The following GARIN2 variants were observed in gnomAD, a reference collection of about 807,000 sequenced individuals.
GARIN2 encodes the protein Golgi-associated RAB2 interactor protein 2.
the GARIN2 span, chr14:67,225,143 T>C: frequency 2.5e-6 from 4 of 1,585,996 alleles, no homozygotes; most frequent in Non-Finnish European, 3.4e-6. Flanking sequence ...TCAAATCTCC[T>C]TCTAATTTCC....
chr14:67,193,102 CT>C, the GARIN2 span, among the ~76,000 whole-genome samples: 10 of 142,168 alleles, frequency 7.0e-5, no homozygotes, highest in African/African-American at 2.5e-4. Flanking sequence ...CTCTATATAT[CT>C]CTATATAGAT....
the GARIN2 span, among the ~76,000 whole-genome samples, chr14:67,213,936 T>C: frequency 6.6e-6 from 1 of 152,254 alleles, no homozygotes; most frequent in Non-Finnish European, 1.5e-5. Flanking sequence ...CATTTTTTCA[T>C]GTGTTTTTTG....
chr14:67,217,399 A>C, the GARIN2 span, among the ~76,000 whole-genome samples: 1 of 152,232 alleles, frequency 6.6e-6, no homozygotes, highest in South Asian at 2.1e-4. Context: ...ATTTTAATCT[A>C]TTTACATTTA....
chr14:67,205,173 T>A, the GARIN2 span: 1 of 1,348,810 alleles, frequency 7.4e-7, no homozygotes, highest in Non-Finnish European at 9.9e-7. Context: ...TAGCTGACAT[T>A]GATTATCAAA....
the GARIN2 span, chr14:67,205,179 T>C: frequency 7.6e-7 from 1 of 1,310,002 alleles, no homozygotes; most frequent in South Asian, 1.6e-5. Context: ...ACATTGATTA[T>C]CAAAATGCTA....
chr14:67,214,113 G>C, the GARIN2 span, among the ~76,000 whole-genome samples: 2 of 152,154 alleles, frequency 1.3e-5, no homozygotes, highest in Non-Finnish European at 2.9e-5. Context: ...CATTTTATAG[G>C]TTGGCTGTTC....
the GARIN2 span, among the ~76,000 whole-genome samples, chr14:67,211,900 C>T: frequency 6.6e-6 from 1 of 152,156 alleles, no homozygotes; most frequent in South Asian, 2.1e-4. Context: ...GAACCAGTTT[C>T]TGTAGGTTCT....
At chr14:67,204,627 C>T in the GARIN2 span, 2 of 1,613,756 alleles carry the variant, frequency 1.2e-6, no homozygotes, top group African/African-American at 2.7e-5. Context: ...GAGCCTACTA[C>T]TTACAGCTCT....
the GARIN2 span, among the ~76,000 whole-genome samples, chr14:67,215,326 T>C: frequency 1.3e-5 from 2 of 152,038 alleles, no homozygotes; most frequent in African/African-American, 2.4e-5. Flanking sequence ...ATTGCTGTTA[T>C]CACCTACAGA....
At chr14:67,210,183 G>A in the GARIN2 span, among the ~76,000 whole-genome samples, 10 of 152,218 alleles carry the variant, frequency 6.6e-5, no homozygotes, top group South Asian at 1.7e-3. Flanking sequence ...TGGAAAACCT[G>A]TAAGTAATCC....
At chr14:67,205,056 CA>C in the GARIN2 span, 1 of 1,551,536 alleles carries the variant, frequency 6.4e-7, no homozygotes, top group East Asian at 2.4e-5. Context: ...TGTTTGAAAA[CA>C]ATGACTTAAT....
the GARIN2 span, among the ~76,000 whole-genome samples, chr14:67,204,255 G>A: frequency 6.6e-6 from 1 of 152,012 alleles, no homozygotes; most frequent in Admixed American, 6.6e-5. Context: ...TGAGCAACAT[G>A]GTGAAACCTT....
chr14:67,226,550 G>A, the GARIN2 span, among the ~76,000 whole-genome samples: 6 of 152,166 alleles, frequency 3.9e-5, no homozygotes, highest in East Asian at 5.8e-4. Context: ...TAGTAGAGAC[G>A]GGGTTTCACC....
At chr14:67,199,041 G>A in the GARIN2 span, 1 of 736,720 alleles carries the variant, frequency 1.4e-6, no homozygotes, top group South Asian at 1.5e-5. Flanking sequence ...GCAAGAAGAG[G>A]ATGGCAGGAG....
At chr14:67,190,984 A>T in the GARIN2 span, among the ~76,000 whole-genome samples, 1 of 152,210 alleles carries the variant, frequency 6.6e-6, no homozygotes, top group Non-Finnish European at 1.5e-5. Context: ...CTGTAATCCC[A>T]GCACTTTGGG....
At chr14:67,213,544 T>C in the GARIN2 span, among the ~76,000 whole-genome samples, 2 of 152,044 alleles carry the variant, frequency 1.3e-5, no homozygotes, top group Admixed American at 1.3e-4. Context: ...TGTGCCACAT[T>C]TTCTTAATCC....
the GARIN2 span, chr14:67,199,771 G>A: frequency 6.5e-7 from 1 of 1,535,570 alleles, no homozygotes; most frequent in East Asian, 2.3e-5. Flanking sequence ...CACCAGGCAT[G>A]CCTCCTCCTG....
the GARIN2 span, among the ~76,000 whole-genome samples, chr14:67,217,717 A>G: frequency 6.6e-6 from 1 of 152,088 alleles, no homozygotes; most frequent in African/African-American, 2.4e-5. Context: ...TTTATCTGTA[A>G]AAGATTTTAA....
the GARIN2 span, among the ~76,000 whole-genome samples, chr14:67,225,962 T>TGTGTGTGTGCGCGC: frequency 1.8e-5 from 2 of 113,490 alleles, no homozygotes; most frequent in African/African-American, 1.0e-4. Context: ...TGTGTGTGTG[T>TGTGTGTGTGCGCGC]GCGCGCGCGC....
Sources: gnomAD v4.1 joint callset for allele counts (sites outside exome capture counted in the v4.1 genomes callset) on GRCh38, gnomAD v4.1.1 for gene constraint, MANE v1.5 for transcripts, NCBI Gene and HGNC (gene_info 2026-07-23, HGNC 2026-07-21) for gene names.